PPP1R9A: variants seen among roughly 807,000 people sequenced by gnomAD.
PPP1R9A encodes the protein protein phosphatase 1 regulatory subunit 9A.
PPP1R9A carries 59 observed loss-of-function variants against 141.9 expected under a neutral mutation model. That is an observed-to-expected ratio of 0.42 (90% CI 0.34 to 0.52). The LOEUF (loss-of-function observed/expected upper bound fraction) is 0.52, where lower values mean the gene tolerates loss of function less well. Among genes scored for constraint, PPP1R9A ranks in the 20% least tolerant of loss-of-function variants. The pLI is 0.10. For missense variants in PPP1R9A, 1,444 were observed against 1,611.9 expected, an observed-to-expected ratio of 0.90 and a Z score of 1.78; for synonymous variants, 500 against 569.7, an observed-to-expected ratio of 0.88 and a Z score of 1.74.
chr7:95,179,010 C>G (rs1454925062), intron 5 of PPP1R9A, among the ~76,000 whole-genome samples: 1 of 152,022 alleles, frequency 6.6e-6, no homozygotes, highest in African/African-American at 2.4e-5. Context: ...GGGAACCCTC[C>G]CTAAATCATT....
chr7:94,914,816 C>G (rs559603538), intron 2 of PPP1R9A, among the ~76,000 whole-genome samples: 1 of 152,102 alleles, frequency 6.6e-6, no homozygotes, highest in Non-Finnish European at 1.5e-5. Context: ...ACAAATACAA[C>G]AAATACATAA....
intron 2 of PPP1R9A, among the ~76,000 whole-genome samples, chr7:94,940,702 T>C (rs1280631287): frequency 6.6e-6 from 1 of 152,010 alleles, no homozygotes; most frequent in Admixed American, 6.6e-5. Flanking sequence ...AAACTGCTTC[T>C]CTTGAAAGAC....
At chr7:95,066,235 C>T (rs1328433290) in intron 2 of PPP1R9A, among the ~76,000 whole-genome samples, 3 of 152,258 alleles carry the variant, frequency 2.0e-5, no homozygotes, top group East Asian at 3.9e-4. Flanking sequence ...GTGACTAGAC[C>T]GCAAGCCTAG....
At chr7:95,031,115 G>A (rs980368764) in intron 2 of PPP1R9A, among the ~76,000 whole-genome samples, 1 of 152,168 alleles carries the variant, frequency 6.6e-6, no homozygotes, top group African/African-American at 2.4e-5. Flanking sequence ...ACCTGAATGT[G>A]TCTACCCAAA....
intron 5 of PPP1R9A, among the ~76,000 whole-genome samples, chr7:95,195,008 A>G (rs947243500): frequency 1.3e-5 from 2 of 152,166 alleles, no homozygotes; most frequent in Non-Finnish European, 2.9e-5. Flanking sequence ...CAATTGATAC[A>G]GAGTTAGAAA....
At chr7:94,976,344 C>T (rs1202340409) in intron 2 of PPP1R9A, among the ~76,000 whole-genome samples, 3 of 137,144 alleles carry the variant, frequency 2.2e-5, no homozygotes, top group African/African-American at 2.7e-5. Context: ...ATGTTTTATT[C>T]TTTTTTTTTT....
intron 4 of PPP1R9A, among the ~76,000 whole-genome samples, chr7:95,136,066 A>G (rs910980823): frequency 1.3e-5 from 2 of 152,096 alleles, no homozygotes; most frequent in Non-Finnish European, 1.5e-5. Context: ...CAGGATTGCC[A>G]TTTGTAGTCA....
intron 2 of PPP1R9A, among the ~76,000 whole-genome samples, chr7:95,047,650 C>G (rs1458079497): frequency 6.6e-6 from 1 of 152,036 alleles, no homozygotes; most frequent in African/African-American, 2.4e-5. Context: ...CTTGATTTCA[C>G]CAGATTATTT....
chr7:95,286,143 A>T lies in PPP1R9A; in HGVS notation c.3610-63A>T, dbSNP rs376182370. 2.5e-4 allele frequency: 391 copies of T among 1,592,974 alleles called. 6 individuals are homozygous for T. The South Asian group carries it at 4.2e-3, about 17-fold the overall frequency. ...AAAAGAGCCCTTTTAGAGCTTGTAG[A>T]CACACCTACCTCTTGCTCACTCACT... On this transcript the variant is annotated intron_variant, in intron 17 of 19. Coordinates refer to ENST00000433360, the MANE Select transcript of PPP1R9A (RefSeq NM_001166160.2).
At chr7:95,020,041 T>TATCATCATC (rs71125098) in intron 2 of PPP1R9A, among the ~76,000 whole-genome samples, 181 of 150,858 alleles carry the variant, frequency 1.2e-3, no homozygotes, top group Non-Finnish European at 2.0e-3. Context: ...GCTATATCAT[T>TATCATCATC]ATCATCATCA....
intron 4 of PPP1R9A, among the ~76,000 whole-genome samples, chr7:95,157,858 T>TG (rs1445614366): frequency 1.4e-4 from 21 of 152,324 alleles, no homozygotes; most frequent in African/African-American, 4.8e-4. Flanking sequence ...AAATTTTCTT[T>TG]GAAGGGAAAA....
At chr7:95,257,845 C>G (rs1048348989) in intron 12 of PPP1R9A, among the ~76,000 whole-genome samples, 1 of 152,144 alleles carries the variant, frequency 6.6e-6, no homozygotes, top group Non-Finnish European at 1.5e-5. Flanking sequence ...AGGACATGAA[C>G]TCATCATTTT....
chr7:94,996,320 C>A lies in PPP1R9A; in HGVS notation c.1395+84812C>A, dbSNP rs528000035. On this transcript the variant is annotated intron_variant, in intron 2 of 19. Transcript: ENST00000433360. Reference sequence around the variant, plus strand: ...GCATAAAAGACGTTGATAAATTGAACATGATAAAAATTAAAAGCTTTTTAT... The same window carrying A: ...GCATAAAAGACGTTGATAAATTGAAAATGATAAAAATTAAAAGCTTTTTAT... Among the ~76,000 whole-genome samples, 4 of 152,082 alleles carry A rather than the reference C, an allele frequency of 2.6e-5. No individual in the cohort carries two copies. In the South Asian group the frequency reaches 8.3e-4, roughly 32 times the overall value.
intron 2 of PPP1R9A, chr7:95,018,319 T>G (rs1354850313): frequency 4.4e-6 from 1 of 229,116 alleles, no homozygotes; most frequent in African/African-American, 2.3e-5. Flanking sequence ...TCATTAAATG[T>G]CCAAGAAGGC....
rs1198797513 is a variant in PPP1R9A at position 95,227,568 on chromosome 7, C to A, written c.2112+1452C>A. ...AAATAAAGTTTTATTTGAACACAAGCATGCCCATCTCTTTATTGTTTGTGG... is the reference window on the plus strand; with the variant it reads ...AAATAAAGTTTTATTTGAACACAAGAATGCCCATCTCTTTATTGTTTGTGG... On this transcript the variant is annotated intron_variant, in intron 8 of 19. Coordinates refer to ENST00000433360, the MANE Select transcript of PPP1R9A (RefSeq NM_001166160.2). 2.0e-5 allele frequency among the ~76,000 whole-genome samples: 3 copies of A among 152,186 alleles called. No individual in the cohort carries two copies. In the East Asian group the frequency reaches 5.8e-4, roughly 29 times the overall value.
At chr7:95,229,362 A>G (rs1207236314) in intron 8 of PPP1R9A, among the ~76,000 whole-genome samples, 1 of 152,012 alleles carries the variant, frequency 6.6e-6, no homozygotes, top group African/African-American at 2.4e-5. Context: ...CTCGTGATTT[A>G]GGGTGAGTTC....
chr7:94,917,462 A>C (rs780060144), intron 2 of PPP1R9A, among the ~76,000 whole-genome samples: 33 of 152,236 alleles, frequency 2.2e-4, no homozygotes, highest in African/African-American at 7.7e-4. Context: ...GCTGTAGTGC[A>C]GTGATGCAGT....
At position 95,269,420 on chromosome 7, in the gene PPP1R9A, C is replaced by T; in HGVS notation, c.3037C>T (p.Leu1013=). The change falls in exon 14 of 20, where the codon CTG becomes TTG. Residue 1013 remains leucine (L), a synonymous_variant. Coordinates refer to ENST00000433360, the MANE Select transcript of PPP1R9A (RefSeq NM_001166160.2). ...CTCCTCTATGTGGGGAGACACTTCA[C>T]TGTTTTCTACTTCAAAGTCTGATCA... ...PLSSMWGDTS[L]FSTSKSDHDV... The T allele has an allele frequency of 2.5e-6, 4 of 1,594,598 alleles. No individual in the cohort carries two copies. The highest frequency in any genetic ancestry group is 1.7e-6 in the Non-Finnish European group (2 of 1,175,700).
At chr7:95,005,304 G>A (rs916618562) in intron 2 of PPP1R9A, among the ~76,000 whole-genome samples, 1 of 151,812 alleles carries the variant, frequency 6.6e-6, no homozygotes, top group Non-Finnish European at 1.5e-5. Context: ...TTTATTCAGG[G>A]CACTCAGTAA....
Sources: gnomAD v4.1 joint callset for allele counts (sites outside exome capture counted in the v4.1 genomes callset) on GRCh38, gnomAD v4.1.1 for gene constraint, MANE v1.5 for transcripts, NCBI Gene and HGNC (gene_info 2026-07-23, HGNC 2026-07-21) for gene names.